Variants in GOLGA3 observed in about 807,000 individuals in gnomAD.
GOLGA3 encodes the protein golgin subfamily A member 3.
Under a neutral mutation model 169.4 loss-of-function variants are expected in GOLGA3, and 75 were observed. The ratio of observed to expected loss-of-function variants is 0.44; its 90% CI spans 0.37 to 0.54. The LOEUF is 0.54. GOLGA3 is among the 20% of genes least tolerant of loss of function. The pLI, the probability that GOLGA3 is intolerant of heterozygous loss-of-function variation, is 0.00. For synonymous variants in GOLGA3, 824 were observed against 822.4 expected (o/e 1.00, Z -0.03); for missense variants, 1,899 against 1,930.0 (o/e 0.98, Z 0.30).
At chr12:132,809,911 C>G (rs141686143) in intron 4 of GOLGA3, among the ~76,000 whole-genome samples, 4,362 of 152,086 alleles carry the variant, frequency 0.029, 82 homozygotes, top group Non-Finnish European at 0.046. Flanking sequence ...ACTTTCCTGG[C>G]TACTCTCCAG....
intron 11 of GOLGA3, among the ~76,000 whole-genome samples, chr12:132,793,876 C>T (rs1948682946): frequency 6.6e-6 from 1 of 152,180 alleles, no homozygotes; most frequent in Admixed American, 6.5e-5. Flanking sequence ...ATGGGGCGGC[C>T]GACTCCAGAA....
rs1593220526 is a variant in GOLGA3 at position 132,775,193 on chromosome 12, A to G, written c.4091T>C (p.Leu1364Pro). 1 of 1,614,170 alleles carries G rather than the reference A, an allele frequency of 6.2e-7. No homozygotes were observed. Among genetic ancestry groups the G allele is most frequent in the East Asian group, 2.2e-5 (1 of 44,890 alleles). ...SELKNNMKTLLQQNQQLKLDL... is the reference protein window; with the variant it reads ...SELKNNMKTLPQQNQQLKLDL... Reference sequence around the variant, plus strand: ...CAGCTTGAGCTGCTGGTTCTGCTGGAGCAGGGTCTTCATGTTGTTCTTCAG... The same window carrying G: ...CAGCTTGAGCTGCTGGTTCTGCTGGGGCAGGGTCTTCATGTTGTTCTTCAG... The change falls in exon 22 of 24, where the codon CTC becomes CCC. Residue 1364 changes from leucine (L) to proline (P), a missense_variant. Transcript: ENST00000450791.
Position 132,798,403 on chromosome 12 carries a change from C to T in GOLGA3, c.1875G>A (p.Thr625=), listed in dbSNP as rs772916609. 50 of 1,613,488 alleles carry T rather than the reference C, an allele frequency of 3.1e-5. No individual in the cohort carries two copies. The highest frequency in any genetic ancestry group is 4.4e-5 in the South Asian group (4 of 91,078). The change falls in exon 9 of 24, where the codon ACG becomes ACA. Residue 625 remains threonine, a synonymous_variant. Coordinates refer to ENST00000450791, the MANE Select transcript of GOLGA3 (RefSeq NM_001389683.1). ...CCTTCATGGACCTGTGCTGAGTTTC[C>T]GTCAGCTGCTGGGACAGGGACACAT... ...LENVSLSQQL[T]ETQHRSMKEK... is the part of the protein sequence containing the mutation.
At chr12:132,774,949 A>C (rs2045139359) in intron 22 of GOLGA3, 192 bp downstream of exon 22, 1 of 574,614 alleles carries the variant, frequency 1.7e-6, no homozygotes, top group Non-Finnish European at 3.1e-6. Flanking sequence ...CGAGGAAAAC[A>C]CTGTTGGATG....
intron 2 of GOLGA3, among the ~76,000 whole-genome samples, chr12:132,819,511 A>G (rs1164002202): frequency 6.6e-6 from 1 of 152,224 alleles, no homozygotes; most frequent in Non-Finnish European, 1.5e-5. Flanking sequence ...TCTGGGCAAC[A>G]GAGCGAGACT....
chr12:132,812,002 CA>C (rs71076477), intron 4 of GOLGA3, among the ~76,000 whole-genome samples: 77 of 39,902 alleles, frequency 1.9e-3, no homozygotes, highest in African/African-American at 5.8e-3. Context: ...CTCCGTCTCT[CA>C]AAAAAAAAAA....
At chr12:132,797,221 T>C (rs1290223520) in intron 9 of GOLGA3, among the ~76,000 whole-genome samples, 2 of 152,164 alleles carry the variant, frequency 1.3e-5, no homozygotes, top group Admixed American at 6.5e-5. Flanking sequence ...GCCCAGCTAA[T>C]GCCACAGAGA....
intron 8 of GOLGA3, among the ~76,000 whole-genome samples, chr12:132,800,361 G>A (rs1949071932): frequency 6.6e-6 from 1 of 152,076 alleles, no homozygotes; most frequent in South Asian, 2.1e-4. Context: ...GGGCATGGTG[G>A]CGGGCGCCTG....
At chr12:132,809,372 A>G (rs1309263298) in intron 4 of GOLGA3, among the ~76,000 whole-genome samples, 1 of 152,182 alleles carries the variant, frequency 6.6e-6, no homozygotes, top group East Asian at 1.9e-4. Context: ...CCTCCACAAG[A>G]GGTGGAGGAG....
At chr12:132,803,575 T>C (rs1168811068) in intron 7 of GOLGA3, among the ~76,000 whole-genome samples, 1 of 152,206 alleles carries the variant, frequency 6.6e-6, no homozygotes, top group Non-Finnish European at 1.5e-5. Context: ...GAGAACTTTT[T>C]GGGTTTCATG....
At position 132,804,573 on chromosome 12, in the gene GOLGA3, G is replaced by GTGGGGA. The variant is rs1377634784; in HGVS notation, c.1597+142_1597+143insTCCCCA. 32 of 680,114 alleles carry GTGGGGA rather than the reference G, an allele frequency of 4.7e-5. No homozygotes were observed. The African/African-American group carries it at 5.2e-4, about 11-fold the overall frequency. The allele number at this position is 680,114 out of a possible 1,614,324, so 42.1% of individuals were successfully genotyped here. A position where few individuals can be genotyped will look rare whatever the true frequency, so the allele number is the denominator to read the frequency against. On this transcript the variant is annotated intron_variant, in intron 7 of 23. Transcript: ENST00000450791. This position sits in a 1 kb window ranked among gnomAD's most constrained non-coding sequence, Gnocchi z 4.1. ...GGACCAGTCGAGGAAGGAGGGAGCA[G>GTGGGGA]CGGGGACCAGTCGAGGAAGGAGGAG... is the stretch of plus-strand genomic sequence containing the variant.
chr12:132,779,851 G>A lies in GOLGA3; in HGVS notation c.3582+947C>T, dbSNP rs865969499. 9.4e-4 allele frequency among the ~76,000 whole-genome samples: 72 copies of A among 76,926 alleles called. 2 individuals carry two copies. The Admixed American group carries it at 0.013, about 13-fold the overall frequency. The allele number at this position is 76,926 out of a possible 152,430, so 50.5% of individuals were successfully genotyped here. The stretch of plus-strand genomic sequence containing the variant: ...ACAGCCCTTGCACGGACACCCCCCC[G>A]CGCACATACACACACCTCAGGCACA... On this transcript the variant is annotated intron_variant, in intron 18 of 23. Coordinates refer to ENST00000450791, the MANE Select transcript of GOLGA3 (RefSeq NM_001389683.1).
rs2044846019 is a variant in GOLGA3 at position 132,770,399 on chromosome 12, G to A, written c.*2706C>T. 2.0e-5 allele frequency: 3 copies of A among 152,128 alleles called. No homozygotes were observed. Among genetic ancestry groups the A allele is most frequent in the Non-Finnish European group, 2.9e-5 (2 of 68,038 alleles). The allele number at this position is 152,128 out of a possible 1,614,324, so 9.4% of individuals were successfully genotyped here. A position where few individuals can be genotyped will look rare whatever the true frequency, so the allele number is the denominator to read the frequency against. On this transcript the variant is annotated 3_prime_UTR_variant, in exon 24 of 24. Transcript: ENST00000450791. ...GGCAGCCAGGCCCTGCCAAACCAGA[G>A]GGGGCCCTGGCACCGGCGACCACAG... is the stretch of plus-strand genomic sequence containing the variant.
chr12:132,788,118 G>A (rs569624887), intron 13 of GOLGA3, among the ~76,000 whole-genome samples: 87 of 151,776 alleles, frequency 5.7e-4, no homozygotes, highest in African/African-American at 1.6e-3. Context: ...CCAAAGAGCC[G>A]GCCCTCCCCT....
At chr12:132,773,445 TC>T in intron 23 of GOLGA3, 151 bp from the exon 24 acceptor site, 1 of 414,650 alleles carries the variant, frequency 2.4e-6, no homozygotes, top group Non-Finnish European at 4.2e-6. Flanking sequence ...GCTCAGCTGT[TC>T]TCAGCACCGT....
At position 132,773,115 on chromosome 12, in the gene GOLGA3, G is replaced by T; in HGVS notation, c.4487C>A (p.Pro1496Gln). The change falls in exon 24 of 24, where the codon CCG becomes CAG. Residue 1496 changes from proline (P) to glutamine (Q), a missense_variant. Transcript: ENST00000450791. ...GCGAGTCCACAGCAGTCACTCTCCC[G>T]GCCCTTCTTTGGAAGCCCTGCTCTG... ...HSQSRASKEGPGE is the reference protein window; with the variant it reads ...HSQSRASKEGQGE The T allele has an allele frequency of 6.3e-7, 1 of 1,580,420 alleles. No individual in the cohort carries two copies. Among genetic ancestry groups the T allele is most frequent in the African/African-American group, 1.4e-5 (1 of 74,014 alleles).
chr12:132,827,975 C>A (rs1950492546), intron 1 of GOLGA3: 1 of 152,082 alleles, frequency 6.6e-6, no homozygotes, highest in Non-Finnish European at 1.5e-5. Flanking sequence ...TAAACTCCAA[C>A]CTCTTAAGAA....
At chr12:132,807,003 T>C (rs1422885348) in intron 6 of GOLGA3, among the ~76,000 whole-genome samples, 174 bp downstream of exon 6, 2 of 151,918 alleles carry the variant, frequency 1.3e-5, no homozygotes, top group Non-Finnish European at 2.9e-5. Context: ...AACTCACAAC[T>C]CTTTCTAAGG....
chr12:132,773,478 A>G (rs2045023356), intron 23 of GOLGA3, among the ~76,000 whole-genome samples, 184 bp from the exon 24 acceptor site: 1 of 152,246 alleles, frequency 6.6e-6, no homozygotes, highest in Admixed American at 6.5e-5. Context: ...TGCAGAGGAC[A>G]CAGGCTCAAG....
Sources: allele counts gnomAD v4.1 joint callset (sites outside exome capture counted in the v4.1 genomes callset), GRCh38; gene constraint gnomAD v4.1.1; non-coding constraint Gnocchi (gnomAD v3.1); transcripts MANE v1.5; gene names NCBI Gene and HGNC (gene_info 2026-07-23, HGNC 2026-07-21).